The following ANGPT1 variants were observed in gnomAD, a reference collection of about 807,000 sequenced individuals.
The protein encoded by ANGPT1 is angiopoietin 1, also known as angiopoietin-1.
A neutral mutation model predicts 62.2 loss-of-function variants in ANGPT1; 17 were observed. The observed-to-expected ratio is 0.27, with a 90% CI of 0.19 to 0.41. The LOEUF (loss-of-function observed/expected upper bound fraction) is 0.41, where lower values mean the gene tolerates loss of function less well. Ranked by LOEUF, ANGPT1 falls within the 10% of genes least tolerant of loss-of-function variation. The pLI is 1.00. For synonymous variants in ANGPT1, 199 were observed against 198.9 expected, an observed-to-expected ratio of 1.00 and a Z score of 0.00; for missense variants, 478 against 594.9, an observed-to-expected ratio of 0.80 and a Z score of 2.04.
chr8:107,465,528 A>G (rs1226992249), intron 1 of ANGPT1, among the ~76,000 whole-genome samples: 1 of 152,186 alleles, frequency 6.6e-6, no homozygotes, highest in Non-Finnish European at 1.5e-5. Context: ...TAAATGAAAA[A>G]TACTTCAATG....
chr8:107,480,897 G>T (rs555970028), intron 1 of ANGPT1, among the ~76,000 whole-genome samples: 2 of 152,190 alleles, frequency 1.3e-5, no homozygotes, highest in Non-Finnish European at 2.9e-5. Flanking sequence ...CTACTGAGAG[G>T]TGGAAGTGGT....
At chr8:107,443,943 ATGTC>A (rs1203891853) in intron 1 of ANGPT1, among the ~76,000 whole-genome samples, 2 of 152,194 alleles carry the variant, frequency 1.3e-5, no homozygotes, top group African/African-American at 4.8e-5. Context: ...ATTCTCGTTA[ATGTC>A]TTCTCTCAGA....
At chr8:107,482,033 C>A (rs191674510) in intron 1 of ANGPT1, among the ~76,000 whole-genome samples, 1 of 152,134 alleles carries the variant, frequency 6.6e-6, no homozygotes, top group African/African-American at 2.4e-5. Context: ...ATTAAATTCC[C>A]GGACCTTCAG....
At chr8:107,490,605 C>T (rs922959731) in intron 1 of ANGPT1, among the ~76,000 whole-genome samples, 1 of 152,198 alleles carries the variant, frequency 6.6e-6, no homozygotes, top group Non-Finnish European at 1.5e-5. Flanking sequence ...ACAAACCTTA[C>T]AATCTACCTT....
At chr8:107,382,822 T>C (rs1000623566) in intron 1 of ANGPT1, among the ~76,000 whole-genome samples, 9 of 152,128 alleles carry the variant, frequency 5.9e-5, no homozygotes, top group Non-Finnish European at 1.0e-4. Flanking sequence ...GATGCATTAT[T>C]CCTAGTTCAA....
chr8:107,471,781 A>G (rs1812365113), intron 1 of ANGPT1, among the ~76,000 whole-genome samples: 1 of 152,146 alleles, frequency 6.6e-6, no homozygotes, highest in South Asian at 2.1e-4. Context: ...TTACAATAGA[A>G]TTATCTGATT....
intron 1 of ANGPT1, among the ~76,000 whole-genome samples, chr8:107,362,849 C>A (rs187821165): frequency 6.3e-4 from 96 of 152,258 alleles, no homozygotes; most frequent in African/African-American, 2.1e-3. Context: ...CATACAGTTA[C>A]ATGAGGCTTA....
intron 4 of ANGPT1, among the ~76,000 whole-genome samples, chr8:107,305,490 G>C (rs1814692940): frequency 6.6e-6 from 1 of 151,862 alleles, no homozygotes; most frequent in African/African-American, 2.4e-5. Flanking sequence ...GTGGGAAGAG[G>C]AAGCTATTTC....
chr8:107,398,498 CTATTTTTTTTTT>C (rs1345136096), intron 1 of ANGPT1, among the ~76,000 whole-genome samples: 1 of 88,994 alleles, frequency 1.1e-5, no homozygotes, highest in Non-Finnish European at 2.1e-5. Context: ...TTTTTCTTTT[CTATTTTTTTTTT>C]TTTTTTTGCT....
intron 1 of ANGPT1, among the ~76,000 whole-genome samples, chr8:107,478,372 A>G (rs1336705137): frequency 6.6e-6 from 1 of 151,958 alleles, no homozygotes; most frequent in Non-Finnish European, 1.5e-5. Flanking sequence ...AACATGGGAA[A>G]ACCCCACTCT....
intron 7 of ANGPT1, among the ~76,000 whole-genome samples, chr8:107,282,688 G>A (rs1814045139): frequency 6.7e-6 from 1 of 149,312 alleles, no homozygotes; most frequent in Non-Finnish European, 1.5e-5. Context: ...AAGGTTCACA[G>A]TTCTATCAAG....
At chr8:107,440,185 G>T (rs1475866785) in intron 1 of ANGPT1, among the ~76,000 whole-genome samples, 1 of 152,090 alleles carries the variant, frequency 6.6e-6, no homozygotes, top group Non-Finnish European at 1.5e-5. Flanking sequence ...AGAGGTGGGT[G>T]GTACATAAAA....
chr8:107,476,643 C>T (rs1253613936), intron 1 of ANGPT1, among the ~76,000 whole-genome samples: 1 of 151,980 alleles, frequency 6.6e-6, no homozygotes, highest in Admixed American at 6.6e-5. Context: ...GTTTCCTCCT[C>T]ACATTTAGAA....
chr8:107,449,816 ATG>A (rs1050437404), intron 1 of ANGPT1, among the ~76,000 whole-genome samples: 72 of 152,220 alleles, frequency 4.7e-4, no homozygotes, highest in African/African-American at 1.7e-3. Context: ...TAATAACATT[ATG>A]TGTGTGTCTT....
intron 1 of ANGPT1, among the ~76,000 whole-genome samples, chr8:107,435,261 A>AC: frequency 6.6e-6 from 1 of 152,174 alleles, no homozygotes; most frequent in Non-Finnish European, 1.5e-5. Flanking sequence ...GGTAAATCAT[A>AC]CCCCCCAAAA....
intron 5 of ANGPT1, among the ~76,000 whole-genome samples, chr8:107,300,041 CTATA>C (rs1554580302): frequency 7.2e-6 from 1 of 138,700 alleles, no homozygotes; most frequent in South Asian, 2.2e-4. Flanking sequence ...CTAGATATAA[CTATA>C]TATATAGTTA....
chr8:107,419,624 A>C (rs1197124996), intron 1 of ANGPT1, among the ~76,000 whole-genome samples: 1 of 152,056 alleles, frequency 6.6e-6, no homozygotes, highest in East Asian at 1.9e-4. Flanking sequence ...TTCTCCGTTA[A>C]TCTGTCTTTG....
intron 1 of ANGPT1, among the ~76,000 whole-genome samples, chr8:107,489,158 A>T (rs1311952232): frequency 6.6e-6 from 1 of 152,218 alleles, no homozygotes; most frequent in Non-Finnish European, 1.5e-5. Context: ...GTTGAAATTT[A>T]TAGTAAGTTT....
intron 3 of ANGPT1, among the ~76,000 whole-genome samples, chr8:107,323,974 T>C (rs998974874): frequency 6.6e-6 from 1 of 151,524 alleles, no homozygotes; most frequent in Non-Finnish European, 1.5e-5. Context: ...AGAGATGGGG[T>C]TTTGCCGTGT....
Sources: allele counts gnomAD v4.1 joint callset (sites outside exome capture counted in the v4.1 genomes callset), GRCh38; gene constraint gnomAD v4.1.1; transcripts MANE v1.5; gene names NCBI Gene and HGNC (gene_info 2026-07-23, HGNC 2026-07-21).